The following RBMS3 variants were observed in gnomAD, a reference collection of about 807,000 sequenced individuals.
The protein encoded by RBMS3 is RNA binding motif single stranded interacting protein 3.
Under a neutral mutation model 66.8 loss-of-function variants are expected in RBMS3, and 27 were observed. The observed-to-expected ratio is 0.40, with a 90% CI of 0.30 to 0.56. The LOEUF (loss-of-function observed/expected upper bound fraction) is 0.56. Among genes scored for constraint, RBMS3 ranks in the 20% least tolerant of loss-of-function variants. The pLI, the probability that RBMS3 is intolerant of heterozygous loss-of-function variation, is 0.40. For synonymous variants in RBMS3, 188 were observed against 183.0 expected, an observed-to-expected ratio of 1.03 and a Z score of -0.22; for missense variants, 513 against 549.5, an observed-to-expected ratio of 0.93 and a Z score of 0.66.
rs149818250 is a variant in RBMS3 at position 29,877,371 on chromosome 3, G to T, written c.745-6791G>T. 2.9e-3 allele frequency among the ~76,000 whole-genome samples: 446 copies of T among 152,260 alleles called. 3 individuals are homozygous for T. The highest frequency in any genetic ancestry group is 0.01 in the African/African-American group (427 of 41,548). On this transcript the variant is annotated intron_variant, in intron 7 of 14. Transcript: ENST00000383767. ...ACAAAAATAAGGGGAGAGGATCACA[G>T]AAACCAAAGAAGAAAAATACACTGG...
intron 10 of RBMS3, among the ~76,000 whole-genome samples, chr3:29,913,039 G>A (rs933248584): frequency 6.6e-6 from 1 of 151,764 alleles, no homozygotes; most frequent in Non-Finnish European, 1.5e-5. Flanking sequence ...AAAATATTGA[G>A]GGCAGGCATA....
At chr3:29,690,251 A>G (rs1311074755) in intron 4 of RBMS3, among the ~76,000 whole-genome samples, 1 of 151,376 alleles carries the variant, frequency 6.6e-6, no homozygotes, top group Non-Finnish European at 1.5e-5. Flanking sequence ...GGAGTTTAAG[A>G]CCAGCCTGGG....
chr3:29,754,010 T>G (rs1248783732), intron 5 of RBMS3, among the ~76,000 whole-genome samples: 1 of 152,036 alleles, frequency 6.6e-6, no homozygotes, highest in Admixed American at 6.6e-5. Flanking sequence ...CAGGCTACAG[T>G]GCAGTGGCAC....
At chr3:29,648,157 G>A (rs2050007525) in intron 4 of RBMS3, among the ~76,000 whole-genome samples, 1 of 151,274 alleles carries the variant, frequency 6.6e-6, no homozygotes, top group South Asian at 2.1e-4. Context: ...GATGTTGGAT[G>A]GCATTCAATT....
chr3:29,974,801 G>A lies in RBMS3; in HGVS notation c.1099-13342G>A, dbSNP rs1464049766. Among the ~76,000 whole-genome samples the A allele has an allele frequency of 7.9e-5, 10 of 126,530 alleles. 1 individual carries two copies. Among genetic ancestry groups the A allele is most frequent in the African/African-American group, 1.2e-4 (4 of 33,446 alleles). The allele number at this position is 126,530 out of a possible 152,430, so 83.0% of individuals were successfully genotyped here. ...GTTTTATATTTTATATATAAAATACGTTTATATATTTTATATATAAAATAC... is the reference window on the plus strand; with the variant it reads ...GTTTTATATTTTATATATAAAATACATTTATATATTTTATATATAAAATAC... On this transcript the variant is annotated intron_variant, in intron 12 of 14. Coordinates refer to ENST00000383767, the MANE Select transcript of RBMS3 (RefSeq NM_001003793.3).
intron 4 of RBMS3, among the ~76,000 whole-genome samples, chr3:29,607,379 T>C (rs367780774): frequency 1.4e-4 from 21 of 152,066 alleles, no homozygotes; most frequent in African/African-American, 4.8e-4. Context: ...GTTGAGGGCC[T>C]GGTTCCTGTC....
intron 6 of RBMS3, among the ~76,000 whole-genome samples, chr3:29,857,378 C>G (rs993599285): frequency 3.3e-5 from 5 of 151,692 alleles, no homozygotes; most frequent in African/African-American, 1.2e-4. Flanking sequence ...CCCCCACCCC[C>G]ACCCCCACGG....
intron 3 of RBMS3, among the ~76,000 whole-genome samples, chr3:29,578,796 T>G (rs1334538031): frequency 8.6e-6 from 1 of 116,744 alleles, no homozygotes; most frequent in African/African-American, 3.8e-5. Flanking sequence ...GCTTCTTTTT[T>G]TTTTTTTTTT....
At chr3:29,428,925 C>A (rs948405492) in intron 1 of RBMS3, among the ~76,000 whole-genome samples, 3 of 152,208 alleles carry the variant, frequency 2.0e-5, no homozygotes, top group Non-Finnish European at 2.9e-5. Flanking sequence ...TTTTAACCTT[C>A]ATTTTGACTG....
intron 4 of RBMS3, among the ~76,000 whole-genome samples, chr3:29,631,959 T>TACAAA: frequency 6.6e-6 from 1 of 151,924 alleles, no homozygotes; most frequent in African/African-American, 2.4e-5. Context: ...TACATGTGCA[T>TACAAA]TTGCATGCCA....
intron 4 of RBMS3, among the ~76,000 whole-genome samples, chr3:29,612,530 C>T: frequency 1.3e-5 from 2 of 151,900 alleles, no homozygotes; most frequent in East Asian, 3.9e-4. Context: ...AGAGGTGGGT[C>T]TAAGGGAATA....
intron 4 of RBMS3, among the ~76,000 whole-genome samples, chr3:29,722,839 A>T (rs1289441166): frequency 2.0e-5 from 3 of 152,070 alleles, no homozygotes; most frequent in Non-Finnish European, 4.4e-5. Flanking sequence ...CATTCATCCC[A>T]TTCTGCTGAT....
chr3:29,942,719 G>A (rs2149701333), intron 11 of RBMS3, among the ~76,000 whole-genome samples: 2 of 151,504 alleles, frequency 1.3e-5, no homozygotes, highest in East Asian at 3.9e-4. Context: ...CAGCTATTCA[G>A]CAATAAACAT....
intron 10 of RBMS3, among the ~76,000 whole-genome samples, chr3:29,923,070 G>A (rs1255961924): frequency 1.3e-5 from 2 of 152,126 alleles, no homozygotes; most frequent in African/African-American, 4.8e-5. Context: ...TGGCTAACTC[G>A]ATGACCTGTG....
In RBMS3 at chr3:30,005,439, A is replaced by C. The variant is rs1699781793; in HGVS notation, c.*1577A>C. 1 of 151,842 alleles carries C rather than the reference A, an allele frequency of 6.6e-6. No homozygotes were observed. Among genetic ancestry groups the C allele is most frequent in the African/African-American group, 2.4e-5 (1 of 41,366 alleles). The allele number at this position is 151,842 out of a possible 1,614,324, so 9.4% of individuals were successfully genotyped here. On this transcript the variant is annotated 3_prime_UTR_variant, in exon 15 of 15. Transcript: ENST00000383767. ...ACCAAGATGCTTATTTAACAGGTGG[A>C]ATATTCTTTATATGAAATTTCAGCT...
At chr3:29,331,421 C>T (rs1006588542) in intron 1 of RBMS3, among the ~76,000 whole-genome samples, 3 of 152,148 alleles carry the variant, frequency 2.0e-5, no homozygotes, top group African/African-American at 7.2e-5. Context: ...TAGGACCAAA[C>T]TAAAGCTATC....
intron 4 of RBMS3, among the ~76,000 whole-genome samples, chr3:29,611,365 A>G (rs2048486216): frequency 6.6e-6 from 1 of 152,020 alleles, no homozygotes; most frequent in Non-Finnish European, 1.5e-5. Flanking sequence ...CATACCAAAA[A>G]GGAGTCATTT....
chr3:29,958,198 A>G (rs553642015), intron 12 of RBMS3, among the ~76,000 whole-genome samples: 4 of 152,056 alleles, frequency 2.6e-5, no homozygotes, highest in African/African-American at 9.6e-5. Context: ...GTTTTGTCCT[A>G]TTTTTTTCCT....
At chr3:29,423,968 G>A (rs1223675157) in intron 1 of RBMS3, among the ~76,000 whole-genome samples, 1 of 152,096 alleles carries the variant, frequency 6.6e-6, no homozygotes, top group African/African-American at 2.4e-5. Context: ...CTTCAACATA[G>A]AGATAATAAT....
Sources: gnomAD v4.1 joint callset for allele counts (sites outside exome capture counted in the v4.1 genomes callset) on GRCh38, gnomAD v4.1.1 for gene constraint, MANE v1.5 for transcripts, NCBI Gene and HGNC (gene_info 2026-07-23, HGNC 2026-07-21) for gene names.